NKAIN3: variants seen among roughly 807,000 people sequenced by gnomAD.
The protein encoded by NKAIN3 is sodium/potassium-transporting ATPase subunit beta-1-interacting protein 3.
In NKAIN3, 25 loss-of-function variants were observed where a neutral mutation model predicts 30.2. The observed-to-expected ratio is 0.83, with a 90% CI of 0.60 to 1.16. NKAIN3 has a LOEUF of 1.16. NKAIN3 is among the 50% of genes most tolerant of loss of function. The probability of loss-of-function intolerance (pLI) is 0.00; values close to 1 mark genes in which losing one functional copy is unlikely to be tolerated. For synonymous variants in NKAIN3, 91 were observed against 89.6 expected (o/e 1.02, Z -0.09); for missense variants, 225 against 254.1 (o/e 0.89, Z 0.78).
rs139429691 is a variant in NKAIN3 at position 62,417,850 on chromosome 8, C to G, written c.55-161689C>G. Among the ~76,000 whole-genome samples the G allele has an allele frequency of 2.1e-3, 315 of 152,000 alleles. 2 individuals carry two copies. The highest frequency in any genetic ancestry group is 7.2e-3 in the African/African-American group (299 of 41,448). Reference sequence around the variant, plus strand: ...TTTTTCCTGTAGAACTGCTTAAATTCCTTGTATATTCTGCTTATTAATCCC... The same window carrying G: ...TTTTTCCTGTAGAACTGCTTAAATTGCTTGTATATTCTGCTTATTAATCCC... On this transcript the variant is annotated intron_variant, in intron 1 of 6. Transcript: ENST00000623646.
rs569425151 is a variant in NKAIN3, at chr8:62,366,590, T to C, written c.54+117463T>C. Among the ~76,000 whole-genome samples, 3 of 152,276 alleles carry C rather than the reference T, an allele frequency of 2.0e-5. No homozygotes were observed. The East Asian group carries it at 5.8e-4, about 29-fold the overall frequency. The stretch of plus-strand genomic sequence containing the variant: ...TGTCATGTCTGAGCCTTCTTTTTAT[T>C]CTAGTTAACCTCACTAAAGTATTGT... On this transcript the variant is annotated intron_variant, in intron 1 of 6. Coordinates refer to ENST00000623646, the MANE Select transcript of NKAIN3 (RefSeq NM_001304533.3).
intron 4 of NKAIN3, among the ~76,000 whole-genome samples, chr8:62,857,990 C>T (rs907122547): frequency 6.6e-6 from 1 of 152,084 alleles, no homozygotes; most frequent in African/African-American, 2.4e-5. Flanking sequence ...TACCTTTGAT[C>T]TTTGAGGTTG....
intron 1 of NKAIN3, among the ~76,000 whole-genome samples, chr8:62,465,203 G>C (rs1470776): frequency 6.6e-6 from 1 of 151,940 alleles, no homozygotes; most frequent in Admixed American, 6.6e-5. Context: ...TATTGTATAC[G>C]TTGCAAGTAA....
intron 1 of NKAIN3, among the ~76,000 whole-genome samples, chr8:62,334,696 T>C (rs1029525807): frequency 6.6e-6 from 1 of 152,114 alleles, no homozygotes; most frequent in East Asian, 1.9e-4. Flanking sequence ...CGTTTTGTTA[T>C]ATATCAGGAT....
chr8:62,805,083 C>A (rs1159139566), intron 4 of NKAIN3, among the ~76,000 whole-genome samples: 4 of 152,114 alleles, frequency 2.6e-5, no homozygotes, highest in Non-Finnish European at 2.9e-5. Context: ...ACCTAGGAAT[C>A]CAACCTACAA....
At chr8:62,803,672 A>G (rs928419165) in intron 4 of NKAIN3, among the ~76,000 whole-genome samples, 4 of 152,234 alleles carry the variant, frequency 2.6e-5, no homozygotes, top group African/African-American at 9.6e-5. Context: ...GGAAAGATCC[A>G]AAATTGACAC....
chr8:62,465,852 A>T (rs942160960), intron 1 of NKAIN3, among the ~76,000 whole-genome samples: 4 of 152,064 alleles, frequency 2.6e-5, no homozygotes, highest in African/African-American at 9.6e-5. Context: ...GTGAAACCCC[A>T]TTTCTACTAA....
chr8:62,997,760 A>ATT (rs1161631108), intron 5 of NKAIN3, among the ~76,000 whole-genome samples: 140 of 152,156 alleles, frequency 9.2e-4, no homozygotes, highest in African/African-American at 3.2e-3. Flanking sequence ...TTCTTTAAAA[A>ATT]AAAAAAAAAA....
rs570257198 is a variant in NKAIN3, at chr8:62,627,796, G to A, written c.273+38002G>A. On this transcript the variant is annotated intron_variant, in intron 3 of 6. Transcript: ENST00000623646. ...GGTGGTTTGAAGGAAAGACCAATGT[G>A]GTAGGAGGCAGCAGGGTACTGGAGA... Among the ~76,000 whole-genome samples the A allele has an allele frequency of 8.5e-5, 13 of 152,202 alleles. No homozygotes were observed. The South Asian group carries it at 2.5e-3, about 29-fold the overall frequency.
chr8:62,472,875 G>A (rs540877774), intron 1 of NKAIN3, among the ~76,000 whole-genome samples: 3 of 152,296 alleles, frequency 2.0e-5, no homozygotes, highest in East Asian at 1.9e-4. Context: ...ACACTGATCC[G>A]CAGTGCAGGC....
At chr8:62,389,224 A>G (rs1039921823) in intron 1 of NKAIN3, among the ~76,000 whole-genome samples, 5 of 152,208 alleles carry the variant, frequency 3.3e-5, no homozygotes, top group East Asian at 1.9e-4. Flanking sequence ...ATATTTTTGT[A>G]TATCTATGGG....
At chr8:62,618,004 C>T (rs1811513375) in intron 3 of NKAIN3, among the ~76,000 whole-genome samples, 1 of 152,214 alleles carries the variant, frequency 6.6e-6, no homozygotes, top group Non-Finnish European at 1.5e-5. Flanking sequence ...TGTAAACCAA[C>T]ATTCATATGG....
intron 4 of NKAIN3, among the ~76,000 whole-genome samples, chr8:62,800,283 A>G (rs1027695081): frequency 7.2e-5 from 11 of 152,228 alleles, no homozygotes; most frequent in African/African-American, 2.4e-4. Context: ...ATAATTTTGT[A>G]TATGCCAGTG....
In NKAIN3 at chr8:62,535,189, A is replaced by T. The variant is rs558902400; in HGVS notation, c.55-44350A>T. On this transcript the variant is annotated intron_variant, in intron 1 of 6. Coordinates refer to ENST00000623646, the MANE Select transcript of NKAIN3 (RefSeq NM_001304533.3). ...TTTGTCTCATTGAAGTACTGACAGC[A>T]CATGCCACAGTCCACGTGCTGTTTC... Among the ~76,000 whole-genome samples, 4 of 152,282 alleles carry T rather than the reference A, an allele frequency of 2.6e-5. No individual in the cohort carries two copies. In the East Asian group the frequency reaches 5.8e-4, roughly 22 times the overall value.
intron 1 of NKAIN3, among the ~76,000 whole-genome samples, chr8:62,253,865 C>G (rs901530542): frequency 6.6e-6 from 1 of 152,128 alleles, no homozygotes; most frequent in African/African-American, 2.4e-5. Context: ...ATTTCTTTTA[C>G]TATGTATTTA....
At chr8:62,700,548 T>C (rs1247887027) in intron 3 of NKAIN3, among the ~76,000 whole-genome samples, 3 of 152,202 alleles carry the variant, frequency 2.0e-5, no homozygotes, top group South Asian at 4.1e-4. Flanking sequence ...ATCCCCTAAT[T>C]CAATAAGTAT....
intron 4 of NKAIN3, among the ~76,000 whole-genome samples, chr8:62,750,594 C>CG (rs1446369310): frequency 1.3e-5 from 2 of 152,134 alleles, no homozygotes; most frequent in African/African-American, 2.4e-5. Context: ...TGGGAGGCGG[C>CG]GGGGGGTGCC....
chr8:62,737,082 C>T (rs1815698334), intron 3 of NKAIN3, among the ~76,000 whole-genome samples: 1 of 152,214 alleles, frequency 6.6e-6, no homozygotes, highest in Non-Finnish European at 1.5e-5. Flanking sequence ...TCTGCTTCCA[C>T]CAAAGGGTCT....
intron 1 of NKAIN3, among the ~76,000 whole-genome samples, chr8:62,524,209 G>A (rs890198266): frequency 6.8e-6 from 1 of 147,574 alleles, no homozygotes; most frequent in Admixed American, 6.9e-5. Context: ...ACCAGGCTAA[G>A]TCCACCCCCC....
Sources: gnomAD v4.1 joint callset for allele counts (sites outside exome capture counted in the v4.1 genomes callset) on GRCh38, gnomAD v4.1.1 for gene constraint, MANE v1.5 for transcripts, NCBI Gene and HGNC (gene_info 2026-07-23, HGNC 2026-07-21) for gene names.